Variants in RBFOX1 observed in about 807,000 individuals in gnomAD.
The protein encoded by RBFOX1 is RNA binding protein fox-1 homolog 1.
Under a neutral mutation model 57.7 loss-of-function variants are expected in RBFOX1, and 8 were observed. That is an observed-to-expected ratio of 0.14 (90% CI 0.08 to 0.25). RBFOX1 has a LOEUF of 0.25. Ranked by LOEUF, RBFOX1 falls within the 10% of genes least tolerant of loss-of-function variation. The pLI is 1.00. For synonymous variants in RBFOX1, 326 were observed against 222.4 expected (o/e 1.47, Z -4.15); for missense variants, 611 against 548.5 (o/e 1.11, Z -1.14).
At chr16:5,559,925 C>T (rs956536080) in intron 2 of RBFOX1, among the ~76,000 whole-genome samples, 1 of 152,110 alleles carries the variant, frequency 6.6e-6, no homozygotes, top group Non-Finnish European at 1.5e-5. Flanking sequence ...TCACCCTCCA[C>T]TTTGGGGCTT....
intron 4 of RBFOX1, among the ~76,000 whole-genome samples, chr16:5,988,525 G>T (rs1163378858): frequency 6.6e-6 from 1 of 152,154 alleles, no homozygotes; most frequent in Non-Finnish European, 1.5e-5. Flanking sequence ...AGGAGGGTGA[G>T]ATTTTGATCA....
At chr16:7,345,511 C>A (rs191387835) in intron 4 of RBFOX1, among the ~76,000 whole-genome samples, 12 of 152,308 alleles carry the variant, frequency 7.9e-5, no homozygotes, top group Admixed American at 4.6e-4. Flanking sequence ...CCCACTGTGA[C>A]TTAGCAGAGG....
chr16:6,580,795 A>G (rs2097526412), intron 2 of RBFOX1, among the ~76,000 whole-genome samples: 2 of 152,266 alleles, frequency 1.3e-5, no homozygotes, highest in South Asian at 4.1e-4. Flanking sequence ...AGATTCAGAC[A>G]CAGATTCTGT....
chr16:5,441,228 A>C (rs550884668), intron 1 of RBFOX1, among the ~76,000 whole-genome samples: 1 of 152,104 alleles, frequency 6.6e-6, no homozygotes, highest in African/African-American at 2.4e-5. Context: ...ATGAGGATTT[A>C]CTCATTAACT....
intron 3 of RBFOX1, among the ~76,000 whole-genome samples, chr16:5,624,889 A>C (rs1225875999): frequency 6.6e-6 from 1 of 152,124 alleles, no homozygotes; most frequent in Non-Finnish European, 1.5e-5. Flanking sequence ...CTGTTTGACC[A>C]CTTGGAAACT....
rs1035886106 is a variant in RBFOX1 at position 6,977,162 on chromosome 16, A to G, written c.-15-74895A>G. Reference sequence around the variant, plus strand: ...ATATTATATATATCATATATATCATATATTATCATATATAGATCATATATA... The same window carrying G: ...ATATTATATATATCATATATATCATGTATTATCATATATAGATCATATATA... On this transcript the variant is annotated intron_variant, in intron 3 of 15. Transcript: ENST00000550418. Among the ~76,000 whole-genome samples, 9 of 145,904 alleles carry G rather than the reference A, an allele frequency of 6.2e-5. 1 individual carries two copies. Among genetic ancestry groups the G allele is most frequent in the Admixed American group, 7.0e-5 (1 of 14,260 alleles).
chr16:6,747,260 T>C (rs2073897111), intron 3 of RBFOX1, among the ~76,000 whole-genome samples: 1 of 152,100 alleles, frequency 6.6e-6, no homozygotes, highest in South Asian at 2.1e-4. Context: ...AATATACAAA[T>C]TAGCCTGGCA....
intron 3 of RBFOX1, among the ~76,000 whole-genome samples, chr16:6,697,665 A>G (rs961036648): frequency 3.9e-5 from 6 of 152,194 alleles, no homozygotes; most frequent in Non-Finnish European, 7.3e-5. Flanking sequence ...TCTGGATTAA[A>G]AGGGGAAGAA....
intron 1 of RBFOX1, among the ~76,000 whole-genome samples, chr16:5,400,653 T>G (rs1024987506): frequency 6.6e-6 from 1 of 151,176 alleles, no homozygotes; most frequent in African/African-American, 2.5e-5. Context: ...CCCCTTCCAG[T>G]TGGGCATGAT....
At chr16:6,367,762 A>AAT (rs1203724107) in intron 2 of RBFOX1, among the ~76,000 whole-genome samples, 2 of 151,610 alleles carry the variant, frequency 1.3e-5, no homozygotes, top group African/African-American at 4.9e-5. Flanking sequence ...AAAAAAAAAA[A>AAT]ATAGGGAAAA....
chr16:6,274,618 G>C (rs1475006544), intron 1 of RBFOX1, among the ~76,000 whole-genome samples: 1 of 152,134 alleles, frequency 6.6e-6, no homozygotes, highest in Non-Finnish European at 1.5e-5. Flanking sequence ...TATCTTGACT[G>C]TATTAGCGCT....
chr16:6,713,991 C>T (rs13338337), intron 3 of RBFOX1, among the ~76,000 whole-genome samples: 5,422 of 152,256 alleles, frequency 0.036, 327 homozygotes, highest in African/African-American at 0.12. Flanking sequence ...TTTGTGTACC[C>T]ACGTAAATCT....
intron 4 of RBFOX1, among the ~76,000 whole-genome samples, chr16:7,299,171 G>A (rs182762486): frequency 5.4e-4 from 82 of 152,256 alleles, no homozygotes; most frequent in African/African-American, 1.9e-3. Flanking sequence ...CTGTGTTTCA[G>A]GTTACCCATT....
At chr16:6,817,371 T>C (rs371577068) in intron 3 of RBFOX1, among the ~76,000 whole-genome samples, 2 of 152,050 alleles carry the variant, frequency 1.3e-5, no homozygotes, top group East Asian at 3.9e-4. Flanking sequence ...CCTTCTTTAG[T>C]GTCTCATGGT....
intron 2 of RBFOX1, among the ~76,000 whole-genome samples, chr16:6,636,756 T>A (rs1215581328): frequency 9.8e-6 from 1 of 101,550 alleles, no homozygotes. Flanking sequence ...TATAATATAG[T>A]TTATATATAT....
chr16:6,707,072 T>A (rs2062880403), intron 3 of RBFOX1, among the ~76,000 whole-genome samples: 1 of 152,216 alleles, frequency 6.6e-6, no homozygotes, highest in African/African-American at 2.4e-5. Flanking sequence ...CATTTTGGTA[T>A]AATCTCTTTC....
intron 4 of RBFOX1, among the ~76,000 whole-genome samples, chr16:5,871,046 G>C (rs192984062): frequency 5.3e-5 from 8 of 152,100 alleles, no homozygotes; most frequent in African/African-American, 1.9e-4. Flanking sequence ...TGTGAATAAC[G>C]TTTGCTAAAT....
At chr16:7,011,394 A>C (rs1292648848) in intron 3 of RBFOX1, among the ~76,000 whole-genome samples, 1 of 152,136 alleles carries the variant, frequency 6.6e-6, no homozygotes, top group Non-Finnish European at 1.5e-5. Context: ...GGGGATTGAA[A>C]CCAGGCGGGC....
At chr16:7,431,522 G>A (rs1400122305) in intron 4 of RBFOX1, among the ~76,000 whole-genome samples, 1 of 152,176 alleles carries the variant, frequency 6.6e-6, no homozygotes, top group Non-Finnish European at 1.5e-5. Context: ...TTATGGGCGT[G>A]AGCCACCGCG....
Sources: gnomAD v4.1 joint callset for allele counts (sites outside exome capture counted in the v4.1 genomes callset) on GRCh38, gnomAD v4.1.1 for gene constraint, MANE v1.5 for transcripts, NCBI Gene and HGNC (gene_info 2026-07-23, HGNC 2026-07-21) for gene names.